The following GALNT16 variants were observed in gnomAD, a reference collection of about 807,000 sequenced individuals.
GALNT16 encodes the protein UDP-GalNAc:polypeptide N-acetylgalactosaminyltransferase-like protein 1.
A neutral mutation model predicts 76.1 loss-of-function variants in GALNT16; 40 were observed. That is an observed-to-expected ratio of 0.53 (90% CI 0.41 to 0.68). The LOEUF (loss-of-function observed/expected upper bound fraction) is 0.68. Among genes scored for constraint, GALNT16 ranks in the 30% least tolerant of loss-of-function variants. The pLI is 0.00. For missense variants in GALNT16, 621 were observed against 731.9 expected, an observed-to-expected ratio of 0.85 and a Z score of 1.75; for synonymous variants, 276 against 285.2, an observed-to-expected ratio of 0.97 and a Z score of 0.32.
chr14:69,327,422 A>T (rs1039591177), intron 5 of GALNT16, among the ~76,000 whole-genome samples: 1 of 152,268 alleles, frequency 6.6e-6, no homozygotes, highest in Admixed American at 6.5e-5. Flanking sequence ...CCAGTGAGGG[A>T]GACCTTCAAA....
In GALNT16 at chr14:69,277,109, C is replaced by T. The variant is rs533540318; in HGVS notation, c.177+16642C>T. ...GAGATCCCAGGACCTGCAGGCCAAT[C>T]TGTAAAAGGGCTGAATAGTCAAAAT... On this transcript the variant is annotated intron_variant, in intron 1 of 14. Coordinates refer to ENST00000448469, the MANE Select transcript of GALNT16 (RefSeq NM_001168368.2). 2.1e-4 allele frequency among the ~76,000 whole-genome samples: 32 copies of T among 152,322 alleles called. 1 individual carries two copies. In the South Asian group the frequency reaches 6.4e-3, roughly 31 times the overall value.
chr14:69,339,717 A>C (rs1594863504), intron 11 of GALNT16, 98 bp downstream of exon 11: 6 of 685,062 alleles, frequency 8.8e-6, no homozygotes, highest in East Asian at 2.9e-5. Flanking sequence ...ACCACCCGCC[A>C]CCTCCCCAGC....
chr14:69,342,473 GA>G (rs2045501526), intron 12 of GALNT16, among the ~76,000 whole-genome samples: 4 of 43,960 alleles, frequency 9.1e-5, no homozygotes, highest in African/African-American at 2.8e-4. Context: ...AAGAAGGAAG[GA>G]AGGGAGGGAG....
rs551376112 is a variant in GALNT16 at position 69,307,002 on chromosome 14, A to G, written c.178-13709A>G. Among the ~76,000 whole-genome samples, 11 of 152,262 alleles carry G rather than the reference A, an allele frequency of 7.2e-5. No homozygotes were observed. In the East Asian group the frequency reaches 2.1e-3, roughly 29 times the overall value. On this transcript the variant is annotated intron_variant, in intron 1 of 14. Coordinates refer to ENST00000448469, the MANE Select transcript of GALNT16 (RefSeq NM_001168368.2). ...AGGACCCTCAACCTCAATAAAACAC[A>G]CATCTCTGTCCCTCCCGGATCCAAA...
chr14:69,340,268 G>A (rs2140190102), intron 11 of GALNT16, among the ~76,000 whole-genome samples: 1 of 152,158 alleles, frequency 6.6e-6, no homozygotes, highest in Non-Finnish European at 1.5e-5. Flanking sequence ...TTTGTTCCAG[G>A]ACCCCCCACG....
the GALNT16 span, among the ~76,000 whole-genome samples, chr14:69,367,319 T>C: frequency 1.3e-5 from 2 of 151,940 alleles, no homozygotes; most frequent in African/African-American, 4.8e-5. Context: ...TATTAGAAAG[T>C]GGGGGCTCTT....
At chr14:69,286,079 G>A (rs2044607153) in intron 1 of GALNT16, among the ~76,000 whole-genome samples, 1 of 152,062 alleles carries the variant, frequency 6.6e-6, no homozygotes, top group African/African-American at 2.4e-5. Context: ...CTTGCCTTTG[G>A]GTGAGGTGCC....
intron 1 of GALNT16, among the ~76,000 whole-genome samples, chr14:69,316,774 T>TGG (rs765892301): frequency 0.032 from 1,343 of 41,928 alleles, 20 homozygotes; most frequent in East Asian, 0.2. Context: ...TTGTAGTCTG[T>TGG]GAGGGGGGGG....
At chr14:69,328,718 A>G (rs1281189393) in intron 6 of GALNT16, 147 bp downstream of exon 6, 1 of 716,022 alleles carries the variant, frequency 1.4e-6, no homozygotes, top group Non-Finnish European at 2.3e-6. Flanking sequence ...ACTTCACCTT[A>G]TTGAGTTTTC....
Position 69,333,135 on chromosome 14 carries a change from A to C in GALNT16, c.829A>C (p.Lys277Gln). 6.2e-7 allele frequency: 1 copy of C among 1,613,702 alleles called. No homozygotes were observed. The highest frequency in any genetic ancestry group is 8.5e-7 in the Non-Finnish European group (1 of 1,179,678). ...GTGGGAGCAGATCCCTCTTGAGCAG[A>C]AGATGACCCGGACAGACCCCACCAG... Reference protein sequence around the residue: ...FKWEQIPLEQKMTRTDPTRPI... With the variant: ...FKWEQIPLEQQMTRTDPTRPI... Residue 277 changes from lysine (K) to glutamine (Q), a missense_variant, in exon 8 of 15, where the codon AAG (lysine) becomes CAG (glutamine). Transcript: ENST00000448469. This position sits in a 1 kb window ranked among gnomAD's most constrained non-coding sequence, Gnocchi z 4.2.
chr14:69,306,122 G>A (rs1168688330), intron 1 of GALNT16, among the ~76,000 whole-genome samples: 1 of 152,146 alleles, frequency 6.6e-6, no homozygotes, highest in Non-Finnish European at 1.5e-5. Context: ...TGGTCTCTTT[G>A]TGTCTATGCC....
At chr14:69,289,712 C>A (rs1208982710) in intron 1 of GALNT16, among the ~76,000 whole-genome samples, 1 of 151,998 alleles carries the variant, frequency 6.6e-6, no homozygotes, top group Non-Finnish European at 1.5e-5. Flanking sequence ...AAACGCTGTC[C>A]CCAGAACCCA....
intron 1 of GALNT16, among the ~76,000 whole-genome samples, chr14:69,271,144 G>T (rs1008892029): frequency 1.6e-4 from 24 of 152,310 alleles, no homozygotes; most frequent in African/African-American, 5.5e-4. Context: ...ACGGGACATG[G>T]CTCATCGCTG....
At position 69,338,647 on chromosome 14, in the gene GALNT16, G is replaced by A; in HGVS notation, c.968-4G>A. On this transcript the variant is annotated splice_polypyrimidine_tract_variant and splice_region_variant and intron_variant, in intron 9 of 14. Coordinates refer to ENST00000448469, the MANE Select transcript of GALNT16 (RefSeq NM_001168368.2). ...CTCCTCCTGACGGCTACTATTTCCT[G>A]CAGAGCTCTCCTTCAGGGTGTGGAT... The A allele has an allele frequency of 3.1e-6, 5 of 1,613,130 alleles. No homozygotes were observed. Among genetic ancestry groups the A allele is most frequent in the Non-Finnish European group, 4.2e-6 (5 of 1,179,414 alleles).
At position 69,260,570 on chromosome 14, in the gene GALNT16, C is replaced by G. The variant is rs971966074; in HGVS notation, c.177+103C>G. ...GCGGGGCCCGGCCAGGGCTGAGTGC[C>G]CGCTGCGCCGGGCCGGCTTTGTATA... On this transcript the variant is annotated intron_variant, in intron 1 of 14. Coordinates refer to ENST00000448469, the MANE Select transcript of GALNT16 (RefSeq NM_001168368.2). 6 of 756,692 alleles carry G rather than the reference C, an allele frequency of 7.9e-6. No individual in the cohort carries two copies. In the African/African-American group the frequency reaches 1.1e-4, roughly 14 times the overall value. 46.9% of individuals were successfully genotyped at this position (756,692 alleles called of 1,614,324 possible). A position where few individuals can be genotyped will look rare whatever the true frequency, so the allele number is the denominator to read the frequency against.
intron 10 of GALNT16, 88 bp downstream of exon 10, chr14:69,338,865 G>A (rs2045447832): frequency 9.3e-7 from 1 of 1,074,768 alleles, no homozygotes; most frequent in Admixed American, 2.5e-5. Flanking sequence ...ATGTGACTGT[G>A]GGCAGCCACC....
intron 1 of GALNT16, among the ~76,000 whole-genome samples, chr14:69,263,544 C>T (rs1353656428): frequency 1.3e-5 from 2 of 152,190 alleles, no homozygotes; most frequent in Non-Finnish European, 2.9e-5. Context: ...TCATTGCTCC[C>T]TTGGGGAATC....
At chr14:69,358,969 A>G (rs2045708620), downstream of GALNT16, 2 of 152,112 alleles carry the variant, frequency 1.3e-5, no homozygotes, top group South Asian at 4.1e-4. Context: ...TACTTTGTTA[A>G]CTCCATGAGT....
upstream of GALNT16, chr14:69,260,136 A>ACCT: frequency 1.8e-5 from 2 of 113,994 alleles, no homozygotes; most frequent in South Asian, 4.3e-4. Context: ...TCTCCCTATC[A>ACCT]CCCCCCCGCC....
Sources: allele counts gnomAD v4.1 joint callset (sites outside exome capture counted in the v4.1 genomes callset), GRCh38; gene constraint gnomAD v4.1.1; non-coding constraint Gnocchi (gnomAD v3.1); transcripts MANE v1.5; gene names NCBI Gene and HGNC (gene_info 2026-07-23, HGNC 2026-07-21).